The following SCUBE2 variants were observed in gnomAD, a reference collection of about 807,000 sequenced individuals.
SCUBE2 encodes the protein signal peptide, CUB domain and EGF like domain containing 2.
A neutral mutation model predicts 125.9 loss-of-function variants in SCUBE2; 114 were observed. The ratio of observed to expected loss-of-function variants is 0.91; its 90% CI spans 0.78 to 1.06. The LOEUF (loss-of-function observed/expected upper bound fraction) is 1.06. Among genes scored for constraint, SCUBE2 ranks in the 50% least tolerant of loss-of-function variants. The pLI, the probability that SCUBE2 is intolerant of heterozygous loss-of-function variation, is 0.00. For synonymous variants in SCUBE2, 459 were observed against 492.9 expected (o/e 0.93, Z 0.91); for missense variants, 1,255 against 1,301.8 (o/e 0.96, Z 0.55).
intron 21 of SCUBE2, 91 bp downstream of exon 21, chr11:9,025,611 T>G (rs549695721): frequency 1.4e-6 from 2 of 1,472,784 alleles, no homozygotes; most frequent in Non-Finnish European, 1.9e-6. Flanking sequence ...TTTCTGAGCA[T>G]GTGTGCTTGT....
intron 20 of SCUBE2, 105 bp from the exon 21 acceptor site, chr11:9,025,959 C>G: frequency 8.3e-7 from 1 of 1,206,558 alleles, no homozygotes; most frequent in Non-Finnish European, 1.2e-6. Flanking sequence ...ATAAGTTATG[C>G]TCAAAAGCTC....
chr11:9,087,951 T>G (rs1186130547), intron 2 of SCUBE2, among the ~76,000 whole-genome samples: 1 of 152,206 alleles, frequency 6.6e-6, no homozygotes, highest in Non-Finnish European at 1.5e-5. Flanking sequence ...TTTGTCTGTT[T>G]GTTGGAAAAG....
In SCUBE2 at chr11:9,019,799, T is replaced by C. The variant is rs1444853288; in HGVS notation, c.*1246A>G. Among the ~76,000 whole-genome samples, 1 of 152,242 alleles carries C rather than the reference T, an allele frequency of 6.6e-6. No individual in the cohort carries two copies. The highest frequency in any genetic ancestry group is 2.1e-4 in the South Asian group (1 of 4,832). The stretch of plus-strand genomic sequence containing the variant: ...AAACACTATAGTTGTAGGTAGTCCA[T>C]CCATTAGGGAAGTGGTGGCTTGTTT... On this transcript the variant is annotated 3_prime_UTR_variant, in exon 23 of 23. Transcript: ENST00000649792.
At chr11:9,082,728 C>T (rs1013853130) in intron 2 of SCUBE2, among the ~76,000 whole-genome samples, 3 of 152,106 alleles carry the variant, frequency 2.0e-5, no homozygotes, top group African/African-American at 7.2e-5. Context: ...CACAAAAGAC[C>T]GCATATTGTA....
intron 8 of SCUBE2, among the ~76,000 whole-genome samples, chr11:9,059,965 G>A (rs1284889798): frequency 2.6e-5 from 4 of 152,166 alleles, no homozygotes; most frequent in Non-Finnish European, 5.9e-5. Context: ...CATGAAATAT[G>A]AGCAAGTCAT....
In SCUBE2 at chr11:9,053,089, C is replaced by A; in HGVS notation, c.1447+10G>T. On this transcript the variant is annotated intron_variant, in intron 12 of 22. Coordinates refer to ENST00000649792, the MANE Select transcript of SCUBE2 (RefSeq NM_001367977.2). ...GTGAGGACCTGCCCCGGGAACTGGG[C>A]CCCACTCACCTGAAGAGAGGTGAAT... is the stretch of plus-strand genomic sequence containing the variant. 4.3e-6 allele frequency: 7 copies of A among 1,609,314 alleles called. No homozygotes were observed. Among genetic ancestry groups the A allele is most frequent in the Non-Finnish European group, 6.0e-6 (7 of 1,175,726 alleles).
chr11:9,084,133 G>C (rs1590162219), intron 2 of SCUBE2, among the ~76,000 whole-genome samples: 1 of 152,150 alleles, frequency 6.6e-6, no homozygotes, highest in East Asian at 1.9e-4. Context: ...GATGATTCTA[G>C]AGCATGTTGT....
At chr11:9,085,595 G>A (rs1296490130) in intron 2 of SCUBE2, among the ~76,000 whole-genome samples, 3 of 151,988 alleles carry the variant, frequency 2.0e-5, no homozygotes, top group Admixed American at 1.3e-4. Flanking sequence ...GCGTGGTGGT[G>A]GGCGCCTGTA....
intron 13 of SCUBE2, among the ~76,000 whole-genome samples, chr11:9,052,513 C>T (rs545528886): frequency 1.3e-5 from 2 of 152,366 alleles, no homozygotes; most frequent in African/African-American, 4.8e-5. Context: ...GATGACCCAC[C>T]AGGGCTGACC....
At chr11:9,057,688 GCCCCC>G (rs1564826191) in intron 9 of SCUBE2, among the ~76,000 whole-genome samples, 2 of 151,550 alleles carry the variant, frequency 1.3e-5, no homozygotes, top group African/African-American at 4.8e-5. Context: ...CCTCCACCAT[GCCCCC>G]ACCTAATTTT....
chr11:9,024,167 T>TA (rs887541390), intron 21 of SCUBE2: 75 of 1,056,122 alleles, frequency 7.1e-5, no homozygotes, highest in East Asian at 1.5e-4. Flanking sequence ...TTTTTCATTT[T>TA]AAAAAAAATC....
intron 16 of SCUBE2, among the ~76,000 whole-genome samples, chr11:9,037,084 G>T (rs770119054): frequency 3.3e-5 from 5 of 152,152 alleles, no homozygotes; most frequent in Non-Finnish European, 7.3e-5. Flanking sequence ...ACACTAAAAG[G>T]CAACTCTGAA....
At chr11:9,090,491 T>TG (rs1862584423) in intron 1 of SCUBE2, 2 of 105,342 alleles carry the variant, frequency 1.9e-5, no homozygotes, top group South Asian at 5.8e-4. Flanking sequence ...ATTTATTTAT[T>TG]TTTTTTTTTT....
At position 9,021,074 on chromosome 11, in the gene SCUBE2, C is replaced by CT. The variant is rs1268896232; in HGVS notation, c.3057dup (p.Val1020SerfsTer57). On this transcript the variant is annotated frameshift_variant, in exon 23 of 23. Transcript: ENST00000649792. LOFTEE classifies it high-confidence loss of function. ...TTGTAAGGTCTCAAAAACCTGGACACTTTGGAACGTAGCAATCGGATGAAC... is the reference window on the plus strand; with the variant it reads ...TTGTAAGGTCTCAAAAACCTGGACACTTTTGGAACGTAGCAATCGGATGAAC... The CT allele has an allele frequency of 1.2e-5, 19 of 1,613,604 alleles. No individual in the cohort carries two copies. Among genetic ancestry groups the CT allele is most frequent in the Non-Finnish European group, 1.5e-5 (18 of 1,179,862 alleles).
chr11:9,059,424 A>T lies in SCUBE2; in HGVS notation c.969T>A (p.Asp323Glu). The T allele has an allele frequency of 6.2e-7, 1 of 1,613,890 alleles. No individual in the cohort carries two copies. Among genetic ancestry groups the T allele is most frequent in the Non-Finnish European group, 8.5e-7 (1 of 1,179,800 alleles). Residue 323 changes from aspartate to glutamate, a missense_variant and splice_region_variant, in exon 9 of 23, where the codon GAT (aspartate) becomes GAA (glutamate). Around this residue, in one of 3 missense-constraint regions of SCUBE2, gnomAD observed 378 missense variants for 463.1 expected, o/e 0.82. Transcript: ENST00000649792. ...TLQLDGKTCK[D>E]IDECQTRNGG... ...CATTGCGGGTCTGGCACTCATCAAT[A>T]TCTGCAACAGGAAAGCATTGGGCAT...
At chr11:9,034,253 T>G (rs975241692) in intron 16 of SCUBE2, among the ~76,000 whole-genome samples, 2 of 152,166 alleles carry the variant, frequency 1.3e-5, no homozygotes, top group African/African-American at 4.8e-5. Flanking sequence ...GGAGGTCACA[T>G]TTGTGTCAGG....
chr11:9,085,118 A>G (rs1861946497), intron 2 of SCUBE2, among the ~76,000 whole-genome samples: 1 of 152,198 alleles, frequency 6.6e-6, no homozygotes, highest in Non-Finnish European at 1.5e-5. Context: ...CAATGTCAGG[A>G]AAGACTGAGG....
intron 16 of SCUBE2, among the ~76,000 whole-genome samples, chr11:9,038,136 T>C (rs1206867125): frequency 6.6e-6 from 1 of 151,982 alleles, no homozygotes; most frequent in Non-Finnish European, 1.5e-5. Context: ...GACATGACCC[T>C]GTTCTAATGG....
rs188556334 is a variant in SCUBE2 at position 9,043,894 on chromosome 11, G to A, written c.2002+3462C>T. Among the ~76,000 whole-genome samples, 18 of 151,768 alleles carry A rather than the reference G, an allele frequency of 1.2e-4. No individual in the cohort carries two copies. In the East Asian group the frequency reaches 3.1e-3, roughly 26 times the overall value. ...AGCAAAGATGTAGGATGCTTCCAAC[G>A]TTGGAAGCGACATGCATAGGCATGA... On this transcript the variant is annotated intron_variant, in intron 16 of 22. Transcript: ENST00000649792.
Sources: allele counts gnomAD v4.1 joint callset (sites outside exome capture counted in the v4.1 genomes callset), GRCh38; gene constraint gnomAD v4.1.1; regional missense constraint gnomAD v4.1.1; transcripts MANE v1.5; gene names NCBI Gene and HGNC (gene_info 2026-07-23, HGNC 2026-07-21).